Variants in ASAH1 observed in about 807,000 individuals in gnomAD.
ASAH1 encodes N-acylsphingosine amidohydrolase 1.
ASAH1 carries 70 observed loss-of-function variants against 59.5 expected under a neutral mutation model. The observed-to-expected ratio is 1.18, with a 90% CI of 0.97 to 1.43. ASAH1 has a LOEUF of 1.43. Among genes scored for constraint, ASAH1 ranks in the 40% most tolerant of loss-of-function variants. ASAH1 has a pLI of 0.00. For missense variants in ASAH1, 660 were observed against 482.5 expected, an observed-to-expected ratio of 1.37 and a Z score of -3.45; for synonymous variants, 213 against 166.5, an observed-to-expected ratio of 1.28 and a Z score of -2.15.
intron 4 of ASAH1, among the ~76,000 whole-genome samples, chr8:18,068,869 C>T (rs1301644760): frequency 6.6e-6 from 1 of 152,178 alleles, no homozygotes; most frequent in Non-Finnish European, 1.5e-5. Context: ...TTCACACCTA[C>T]GATCCCAACA....
chr8:18,067,100 T>TGCACCTGTGCTGTATATCTAAGACATCCA, intron 5 of ASAH1, 120 bp downstream of exon 5: 1 of 548,494 alleles, frequency 1.8e-6, no homozygotes, highest in Non-Finnish European at 3.0e-6. Flanking sequence ...CTAAGACCTG[T>TGCACCTGTGCTGTATATCTAAGACATCCA]GCACCTGTGC....
intron 5 of ASAH1, 174 bp from the exon 6 acceptor site, chr8:18,064,705 C>T (rs1024159094): frequency 1.4e-5 from 8 of 578,014 alleles, no homozygotes; most frequent in African/African-American, 3.7e-5. Flanking sequence ...ACTCTCTAGA[C>T]TCAAGATGAA....
chr8:18,067,105 C>CTGTGCTGTATATCTAAGACATACAGCACA, intron 5 of ASAH1, 115 bp downstream of exon 5: 1 of 461,248 alleles, frequency 2.2e-6, no homozygotes, highest in Non-Finnish European at 3.0e-6. Context: ...ACCTGTGCAC[C>CTGTGCTGTATATCTAAGACATACAGCACA]TGTGCTGTAT....
intron 5 of ASAH1, chr8:18,065,278 G>C (rs980262548): frequency 4.6e-5 from 7 of 151,600 alleles, no homozygotes; most frequent in African/African-American, 1.7e-4. Flanking sequence ...TTTCTATTTG[G>C]TATTGAGTTG....
At chr8:18,077,083 A>G (rs1800433473) in intron 1 of ASAH1, among the ~76,000 whole-genome samples, 1 of 152,194 alleles carries the variant, frequency 6.6e-6, no homozygotes. Flanking sequence ...AAAGACTGCA[A>G]AACTTTACAG....
Position 18,059,701 on chromosome 8 carries a change from T to C in ASAH1, c.788A>G (p.Tyr263Cys), listed in dbSNP as rs1799613313. Reference sequence around the variant, plus strand: ...GGTCAATAAATTCTTGGCTTCTTCATAACTATATAGAAACATTTAAAAAGA... The same window carrying C: ...GGTCAATAAATTCTTGGCTTCTTCACAACTATATAGAAACATTTAAAAAGA... ...TRTVLENSTS[Y>C]EEAKNLLTKT... is the part of the protein sequence containing the mutation. Residue 263 changes from tyrosine (Y) to cysteine (C), a missense_variant and splice_region_variant, in exon 11 of 14, where the codon TAT becomes TGT. Tyr to Cys is a radical substitution (Grantham distance 194). Transcript: ENST00000637790. The C allele has an allele frequency of 6.2e-7, 1 of 1,613,656 alleles. No homozygotes were observed. The highest frequency in any genetic ancestry group is 1.1e-5 in the South Asian group (1 of 91,006).
upstream of ASAH1, chr8:18,084,677 TG>T (rs778790881): frequency 1.2e-6 from 2 of 1,613,534 alleles, no homozygotes; most frequent in African/African-American, 1.3e-5. Context: ...GTTACCCACT[TG>T]GGCTTTCACA....
At chr8:18,079,297 T>C (rs1381923712) in intron 1 of ASAH1, among the ~76,000 whole-genome samples, 5 of 128,752 alleles carry the variant, frequency 3.9e-5, no homozygotes, top group Non-Finnish European at 6.8e-5. Flanking sequence ...AACAAAAAAC[T>C]CTCTGGAAAG....
chr8:18,063,227 T>C lies in ASAH1; in HGVS notation c.461A>G (p.His154Arg), dbSNP rs2117032573. 6.2e-7 allele frequency: 1 copy of C among 1,613,500 alleles called. No homozygotes were observed. The highest frequency in any genetic ancestry group is 8.5e-7 in the Non-Finnish European group (1 of 1,179,450). The change falls in exon 7 of 14, where the codon CAT (histidine) becomes CGT (arginine). Residue 154 changes from histidine (H) to arginine (R), a missense_variant. By Grantham distance (29) the His-to-Arg change is conservative. Transcript: ENST00000637790. ...TSIVAEDKKG[H>R]LIHGRNMDFG... ...ATCCATGTTTCTCCCATGTATTAGA[T>C]GACCTATTTGAAGGTAGACAGAAGA...
chr8:18,069,154 A>G (rs1241524409), intron 4 of ASAH1, among the ~76,000 whole-genome samples: 2 of 151,764 alleles, frequency 1.3e-5, no homozygotes, highest in African/African-American at 2.4e-5. Context: ...AAAAAAAAAA[A>G]AAAAAAAGCT....
At chr8:18,078,261 G>T (rs1277787403) in intron 1 of ASAH1, among the ~76,000 whole-genome samples, 1 of 152,126 alleles carries the variant, frequency 6.6e-6, no homozygotes, top group Non-Finnish European at 1.5e-5. Context: ...AGACAACTGT[G>T]AGCAAAGTTG....
chr8:18,065,883 T>TGTGTGC (rs1491211285), intron 5 of ASAH1: 1 of 11,856 alleles, frequency 8.4e-5, no homozygotes, highest in African/African-American at 3.8e-4. Context: ...AGATACACAT[T>TGTGTGC]GTGTGTGTGT....
upstream of ASAH1, chr8:18,084,880 G>C (rs1800833650): frequency 2.5e-6 from 4 of 1,573,970 alleles, no homozygotes; most frequent in South Asian, 1.1e-5. Flanking sequence ...AGGCGGACGC[G>C]AGTAGCTCGG....
intron 1 of ASAH1, among the ~76,000 whole-genome samples, chr8:18,078,447 A>T (rs1800505415): frequency 6.6e-6 from 1 of 152,196 alleles, no homozygotes; most frequent in Non-Finnish European, 1.5e-5. Flanking sequence ...GATAAGTGTG[A>T]CAGAAAATAA....
At chr8:18,059,526 T>G in intron 11 of ASAH1, 46 bp downstream of exon 11, 1 of 1,614,128 alleles carries the variant, frequency 6.2e-7, no homozygotes, top group South Asian at 1.1e-5. Flanking sequence ...AGTATATCAG[T>G]GTATGCTTTT....
At chr8:18,064,659 A>G in intron 5 of ASAH1, 128 bp from the exon 6 acceptor site, 1 of 653,188 alleles carries the variant, frequency 1.5e-6, no homozygotes, top group Non-Finnish European at 2.7e-6. Context: ...CTGTGCTGGA[A>G]CGGCCGGCTG....
upstream of ASAH1, chr8:18,084,671 C>A (rs1171035271): frequency 2.5e-6 from 4 of 1,613,268 alleles, no homozygotes; most frequent in African/African-American, 5.3e-5. Flanking sequence ...CTGTTGGTTA[C>A]CCACTTGGGC....
At position 18,059,364 on chromosome 8, in the gene ASAH1, A is replaced by G; in HGVS notation, c.1018T>C (p.Cys340Arg). The G allele has an allele frequency of 6.2e-7, 1 of 1,614,222 alleles. No homozygotes were observed. Among genetic ancestry groups the G allele is most frequent in the South Asian group, 1.1e-5 (1 of 91,092 alleles). Reference protein sequence around the residue: ...LDDRRTPAKMCLNRTSQENIS... With the variant: ...LDDRRTPAKMRLNRTSQENIS... The stretch of plus-strand genomic sequence containing the variant: ...ACCTCTTGGCTGGTGCGGTTCAGAC[A>G]CATCTTTGCAGGCGTTCTGCGATCA... Residue 340 changes from cysteine to arginine, a missense_variant, in exon 12 of 14, where the codon TGT (cysteine) becomes CGT (arginine). Coordinates refer to ENST00000637790, the MANE Select transcript of ASAH1 (RefSeq NM_177924.5).
intron 5 of ASAH1, 153 bp downstream of exon 5, chr8:18,067,067 T>G: frequency 9.5e-6 from 2 of 209,826 alleles, no homozygotes; most frequent in African/African-American, 2.7e-5. Context: ...CATGCATTTC[T>G]GAAGCTTCAC....
Sources: allele counts gnomAD v4.1 joint callset (sites outside exome capture counted in the v4.1 genomes callset), GRCh38; gene constraint gnomAD v4.1.1; transcripts MANE v1.5; gene names NCBI Gene and HGNC (gene_info 2026-07-23, HGNC 2026-07-21).